Variants in EMSY observed in about 807,000 individuals in gnomAD.
The protein encoded by EMSY is BRCA2-interacting transcriptional repressor EMSY.
In EMSY, 26 loss-of-function variants were observed where a neutral mutation model predicts 134.6. That is an observed-to-expected ratio of 0.19 (90% CI 0.14 to 0.27). The LOEUF is 0.27. Among genes scored for constraint, EMSY ranks in the 10% least tolerant of loss-of-function variants. The pLI, the probability that EMSY is intolerant of heterozygous loss-of-function variation, is 1.00. For synonymous variants in EMSY, 579 were observed against 577.8 expected (o/e 1.00, Z -0.03); for missense variants, 1,305 against 1,611.4 (o/e 0.81, Z 3.26).
chr11:76,511,438 C>T (rs1565332741), intron 9 of EMSY, among the ~76,000 whole-genome samples: 1 of 152,118 alleles, frequency 6.6e-6, no homozygotes, highest in African/African-American at 2.4e-5. Context: ...TCTGGTGGCT[C>T]ACACCTGTAA....
chr11:76,453,227 C>T, intron 3 of EMSY, 87 bp from the exon 4 acceptor site: 1 of 1,231,738 alleles, frequency 8.1e-7, no homozygotes, highest in Non-Finnish European at 1.2e-6. Context: ...CCCTTCTCCC[C>T]CCAAAAATGT....
exon 21 of EMSY, chr11:76,551,365 A>T (rs931686399): frequency 6.5e-6 from 1 of 152,774 alleles, no homozygotes; most frequent in Non-Finnish European, 1.5e-5. Flanking sequence ...TTTCACTATA[A>T]ATAAGCATTT....
At chr11:76,487,342 A>G (rs548406364) in intron 8 of EMSY, among the ~76,000 whole-genome samples, 6 of 152,206 alleles carry the variant, frequency 3.9e-5, no homozygotes, top group African/African-American at 1.4e-4. Flanking sequence ...AGGATACAGT[A>G]GCCTTTTAAT....
chr11:76,536,044 C>A, exon 15 of EMSY: 1 of 1,563,160 alleles, frequency 6.4e-7, no homozygotes, highest in Non-Finnish European at 8.7e-7. Context: ...TCTGTTAGAA[C>A]TCCAACAGAC....
chr11:76,470,768 A>C (rs1156646344), intron 7 of EMSY, among the ~76,000 whole-genome samples: 1 of 152,120 alleles, frequency 6.6e-6, no homozygotes. Context: ...TAGTATAAAA[A>C]TCTAAATTCC....
chr11:76,462,384 G>A (rs1175138707), intron 6 of EMSY, among the ~76,000 whole-genome samples: 1 of 152,242 alleles, frequency 6.6e-6, no homozygotes, highest in Non-Finnish European at 1.5e-5. Context: ...AGTTTGAGAT[G>A]TAATTGTTTA....
intron 9 of EMSY, among the ~76,000 whole-genome samples, chr11:76,500,915 T>G (rs1305994984): frequency 6.6e-6 from 1 of 152,228 alleles, no homozygotes; most frequent in Non-Finnish European, 1.5e-5. Context: ...AGGTACTGCA[T>G]GGTCATCCCT....
chr11:76,471,265 A>G (rs534765603), intron 7 of EMSY, among the ~76,000 whole-genome samples: 4 of 152,290 alleles, frequency 2.6e-5, no homozygotes, highest in African/African-American at 9.6e-5. Flanking sequence ...AGAAAAATTG[A>G]GAAGATAGTA....
intron 16 of EMSY, 59 bp downstream of exon 17, chr11:76,538,009 G>A (rs1951288705): frequency 7.1e-7 from 1 of 1,416,472 alleles, no homozygotes; most frequent in Admixed American, 2.2e-5. Context: ...TGGATTTCAT[G>A]GGATGATTGT....
chr11:76,464,126 C>G (rs1354928359), intron 7 of EMSY, 46 bp downstream of exon 8: 1 of 1,602,498 alleles, frequency 6.2e-7, no homozygotes, highest in Non-Finnish European at 8.5e-7. Context: ...TTCTTTCAGA[C>G]AGTATGATTC....
At chr11:76,538,503 C>T (rs781519245) in intron 16 of EMSY, among the ~76,000 whole-genome samples, 36 of 152,226 alleles carry the variant, frequency 2.4e-4, no homozygotes, top group Admixed American at 6.5e-4. Context: ...TCAAGAGATC[C>T]GTCCACCTTG....
chr11:76,513,266 A>G (rs1950338783), intron 9 of EMSY, 120 bp from the exon 11 acceptor site: 1 of 855,086 alleles, frequency 1.2e-6, no homozygotes, highest in Admixed American at 3.6e-5. Context: ...TCAGTATTAA[A>G]AAAAACTTCT....
chr11:76,462,335 G>T (rs1948156698), intron 6 of EMSY, among the ~76,000 whole-genome samples: 1 of 152,234 alleles, frequency 6.6e-6, no homozygotes, highest in Non-Finnish European at 1.5e-5. Flanking sequence ...GTAACAGGAA[G>T]ATTATTGCTT....
chr11:76,492,683 C>G (rs1203025317), intron 8 of EMSY, among the ~76,000 whole-genome samples: 1 of 152,170 alleles, frequency 6.6e-6, no homozygotes, highest in Non-Finnish European at 1.5e-5. Context: ...GAGCCAGGAA[C>G]AGATAGGAAC....
At chr11:76,506,564 A>C (rs1487947659) in intron 9 of EMSY, among the ~76,000 whole-genome samples, 1 of 152,238 alleles carries the variant, frequency 6.6e-6, no homozygotes, top group African/African-American at 2.4e-5. Context: ...TACAGATAGC[A>C]CACAAAAAGT....
exon 13 of EMSY, chr11:76,526,497 A>G (rs771125524): frequency 1.2e-6 from 2 of 1,613,318 alleles, no homozygotes; most frequent in East Asian, 2.2e-5. Context: ...CAACAGGAGC[A>G]AAGCCAGCTA....
intron 12 of EMSY, among the ~76,000 whole-genome samples, chr11:76,525,536 G>A (rs753702122): frequency 1.1e-4 from 16 of 152,032 alleles, no homozygotes; most frequent in Non-Finnish European, 1.6e-4. Flanking sequence ...TTAAGTTTAT[G>A]GATTTTAATT....
At position 76,541,329 on chromosome 11, in the gene EMSY, T is replaced by C. The variant is rs532965365; in HGVS notation, c.2558-887T>C. Among the ~76,000 whole-genome samples, 17 of 152,342 alleles carry C rather than the reference T, an allele frequency of 1.1e-4. No individual in the cohort carries two copies. The South Asian group carries it at 3.5e-3, about 32-fold the overall frequency. ...CAATAGAATAAGAAGCAGGGATGTT[T>C]CCTATACTGCAATCTTACCCATTTG... On this transcript the variant is annotated intron_variant, in intron 17 of 20. Transcript: ENST00000334736.
intron 18 of EMSY, among the ~76,000 whole-genome samples, chr11:76,542,753 G>GTTTT (rs1555077830): frequency 9.2e-6 from 1 of 109,258 alleles, no homozygotes; most frequent in Non-Finnish European, 1.9e-5. Context: ...TTCGTTTTTT[G>GTTTT]TTTTTTTTTT....
Sources: gnomAD v4.1 joint callset for allele counts (sites outside exome capture counted in the v4.1 genomes callset) on GRCh38, gnomAD v4.1.1 for gene constraint, MANE v1.5 for transcripts, NCBI Gene and HGNC (gene_info 2026-07-23, HGNC 2026-07-21) for gene names.